Variants in FMNL3 observed in about 807,000 individuals in gnomAD.
FMNL3 encodes the protein formin like 3, also known as formin-like protein 3.
In FMNL3, 57 loss-of-function variants were observed where a neutral mutation model predicts 119.6. The ratio of observed to expected loss-of-function variants is 0.48; its 90% CI spans 0.39 to 0.59. The LOEUF (loss-of-function observed/expected upper bound fraction) is 0.59, where lower values mean the gene tolerates loss of function less well. Among genes scored for constraint, FMNL3 ranks in the 20% least tolerant of loss-of-function variants. The pLI, the probability that FMNL3 is intolerant of heterozygous loss-of-function variation, is 0.00. For missense variants in FMNL3, 1,053 were observed against 1,323.5 expected (o/e 0.80, Z 3.17); for synonymous variants, 491 against 507.3 (o/e 0.97, Z 0.43).
Position 49,707,256 on chromosome 12 carries a change from G to A in FMNL3, c.-76C>T. On this transcript the variant is annotated 5_prime_UTR_variant, in exon 1 of 26. Transcript: ENST00000335154. ...GCTTTCGGCTCCGCGGCTCCGACCA[G>A]GCTCCTCCCTCAGCGCCGGCTCCCC... is the stretch of plus-strand genomic sequence containing the variant. 7.5e-7 allele frequency: 1 copy of A among 1,325,260 alleles called. No individual in the cohort carries two copies. The highest frequency in any genetic ancestry group is 9.8e-7 in the Non-Finnish European group (1 of 1,017,210). 82.1% of individuals were successfully genotyped at this position (1,325,260 alleles called of 1,614,324 possible).
intron 1 of FMNL3, among the ~76,000 whole-genome samples, chr12:49,705,271 G>A (rs1945016999): frequency 6.6e-6 from 1 of 152,200 alleles, no homozygotes; most frequent in Admixed American, 6.5e-5. Context: ...GCAAGTGGGT[G>A]GTCCAGTCCC....
At position 49,645,131 on chromosome 12, in the gene FMNL3, C is replaced by G. The variant is rs575709594; in HGVS notation, c.*684G>C. 7.3e-6 allele frequency: 1 copy of G among 137,640 alleles called. No individual in the cohort carries two copies. Among genetic ancestry groups the G allele is most frequent in the African/African-American group, 3.1e-5 (1 of 32,110 alleles). The allele number at this position is 137,640 out of a possible 1,614,324, so 8.5% of individuals were successfully genotyped here. The stretch of plus-strand genomic sequence containing the variant: ...AAAAAAAAAAAAAAAAAAAAAAAAC[C>G]GTAGCTGAGGAAAGAAGGTGAAGAG... On this transcript the variant is annotated 3_prime_UTR_variant, in exon 26 of 26. Coordinates refer to ENST00000335154, the MANE Select transcript of FMNL3 (RefSeq NM_175736.5).
rs1310109127 is a variant in FMNL3 at position 49,642,889 on chromosome 12, G to A, written c.*2926C>T. On this transcript the variant is annotated 3_prime_UTR_variant, in exon 26 of 26. Transcript: ENST00000335154. The surrounding 1 kb of genome is among the most constrained non-coding windows in gnomAD (Gnocchi z 5.8). The stretch of plus-strand genomic sequence containing the variant: ...GAAGTAGGATCCTTCCTGGGGCTAA[G>A]TCTGGTGCTGTCCTCACCCTTCTTC... 1.3e-6 allele frequency: 2 copies of A among 1,584,260 alleles called. No homozygotes were observed. Among genetic ancestry groups the A allele is most frequent in the Admixed American group, 1.8e-5 (1 of 56,284 alleles).
chr12:49,662,893 C>T lies in FMNL3; in HGVS notation c.369-844G>A, dbSNP rs186350821. 1.1e-3 allele frequency among the ~76,000 whole-genome samples: 170 copies of T among 152,312 alleles called. 2 individuals carry two copies. Among genetic ancestry groups the T allele is most frequent in the Admixed American group, 9.9e-3 (151 of 15,310 alleles). ...TTCATTCCATAGCAGAAACATAAAA[C>T]GCTCAGGATGAAACCCTAATCTAGA... On this transcript the variant is annotated intron_variant, in intron 4 of 25. Transcript: ENST00000335154.
intron 2 of FMNL3, 23 bp downstream of exon 2, chr12:49,668,448 C>G: frequency 6.2e-7 from 1 of 1,611,710 alleles, no homozygotes; most frequent in South Asian, 1.1e-5. Flanking sequence ...CCCTACCTCC[C>G]TCCTCTTTCC....
chr12:49,661,910 TG>T (rs1200005470), intron 5 of FMNL3, 55 bp downstream of exon 5: 1 of 1,482,170 alleles, frequency 6.7e-7, no homozygotes, highest in African/African-American at 1.4e-5. Flanking sequence ...CAAAGTAGAA[TG>T]GAACTATGTC....
At chr12:49,676,479 A>AT (rs1285564867) in intron 1 of FMNL3, among the ~76,000 whole-genome samples, 2 of 149,974 alleles carry the variant, frequency 1.3e-5, no homozygotes, top group Non-Finnish European at 3.0e-5. Context: ...CAGGACACTG[A>AT]TACCATGGAC....
intron 1 of FMNL3, among the ~76,000 whole-genome samples, chr12:49,705,117 G>A (rs900748782): frequency 2.0e-5 from 3 of 152,194 alleles, no homozygotes; most frequent in African/African-American, 7.2e-5. Flanking sequence ...AAACTGAGGT[G>A]AAATCCCGTC....
In FMNL3 at chr12:49,649,850, C is replaced by CT; in HGVS notation, c.2075dup (p.Leu693AlafsTer6). 6.2e-7 allele frequency: 1 copy of CT among 1,614,188 alleles called. No homozygotes were observed. The highest frequency in any genetic ancestry group is 8.5e-7 in the Non-Finnish European group (1 of 1,180,040). ...GCTCCCGCTCATATTGCCGCAGCAGCTTTACCTCAGCCTCTGTGGGCAGGA... is the reference window on the plus strand; with the variant it reads ...GCTCCCGCTCATATTGCCGCAGCAGCTTTTACCTCAGCCTCTGTGGGCAGGA... On this transcript the variant is annotated frameshift_variant, in exon 18 of 26. Coordinates refer to ENST00000335154, the MANE Select transcript of FMNL3 (RefSeq NM_175736.5). LOFTEE classifies it high-confidence loss of function. This position sits in a 1 kb window ranked among gnomAD's most constrained non-coding sequence, Gnocchi z 5.6.
At chr12:49,684,740 T>G (rs1944415670) in intron 1 of FMNL3, among the ~76,000 whole-genome samples, 1 of 152,172 alleles carries the variant, frequency 6.6e-6, no homozygotes, top group Non-Finnish European at 1.5e-5. Flanking sequence ...CTGGAACTCA[T>G]GACAGATGCC....
intron 6 of FMNL3, 57 bp downstream of exon 6, chr12:49,658,385 A>C (rs1943636167): frequency 6.5e-7 from 1 of 1,528,152 alleles, no homozygotes; most frequent in Non-Finnish European, 8.8e-7. Flanking sequence ...GCTGAACCCG[A>C]GACCTGCACT....
In FMNL3 at chr12:49,645,805, C is replaced by T. The variant is rs757899637; in HGVS notation, c.*10G>A. On this transcript the variant is annotated 3_prime_UTR_variant, in exon 26 of 26. Transcript: ENST00000335154. Reference sequence around the variant, plus strand: ...CTGAGGGGTGAAGTGCTTCTGCCTCCGAGAGGGTCTCAGTGGGGGCCTGGA... The same window carrying T: ...CTGAGGGGTGAAGTGCTTCTGCCTCTGAGAGGGTCTCAGTGGGGGCCTGGA... 16 of 1,596,118 alleles carry T rather than the reference C, an allele frequency of 1.0e-5. No individual in the cohort carries two copies. The East Asian group carries it at 1.4e-4, about 14-fold the overall frequency.
intron 1 of FMNL3, among the ~76,000 whole-genome samples, chr12:49,704,667 T>C (rs1010135244): frequency 1.5e-5 from 2 of 135,522 alleles, no homozygotes; most frequent in African/African-American, 5.6e-5. Context: ...GCTGAGATCG[T>C]GCTGCCGCAC....
intron 1 of FMNL3, among the ~76,000 whole-genome samples, chr12:49,682,157 G>T (rs1384420907): frequency 6.7e-6 from 1 of 150,048 alleles, no homozygotes; most frequent in Non-Finnish European, 1.5e-5. Context: ...TGCAAGCTCT[G>T]CCTTCCAGGT....
chr12:49,661,683 T>C (rs1166353912), intron 5 of FMNL3: 1 of 384,440 alleles, frequency 2.6e-6, no homozygotes, highest in Admixed American at 4.2e-5. Context: ...AGCTTGGCAT[T>C]TGGATGCCTT....
chr12:49,703,917 C>T (rs1168330680), intron 1 of FMNL3, among the ~76,000 whole-genome samples: 1 of 152,164 alleles, frequency 6.6e-6, no homozygotes, highest in Admixed American at 6.5e-5. Flanking sequence ...CAGCAGCAGC[C>T]ATATTCCGAG....
At chr12:49,686,820 C>G (rs778272324) in intron 1 of FMNL3, among the ~76,000 whole-genome samples, 3 of 152,078 alleles carry the variant, frequency 2.0e-5, no homozygotes, top group Non-Finnish European at 2.9e-5. Context: ...AGCACCCTAC[C>G]CGGCCCTGCA....
chr12:49,650,751 T>C lies in FMNL3; in HGVS notation c.1925A>G (p.Asn642Ser), dbSNP rs1333250384. The C allele has an allele frequency of 1.2e-6, 2 of 1,614,214 alleles. No homozygotes were observed. Among genetic ancestry groups the C allele is most frequent in the East Asian group, 2.2e-5 (1 of 44,882 alleles). ...AASKVTLLEA[N>S]RAKNLAITLR... ...GGTGATGGCCAGGTTCTTGGCACGA[T>C]TGGCTTCCAACAGAGTCACCTTGCT... is the stretch of plus-strand genomic sequence containing the variant. The change falls in exon 17 of 26, where the codon AAT becomes AGT. Residue 642 changes from asparagine (N) to serine (S), a missense_variant. Around this residue, in one of 4 missense-constraint regions of FMNL3, gnomAD observed 445 missense variants for 628.4 expected, o/e 0.71. Coordinates refer to ENST00000335154, the MANE Select transcript of FMNL3 (RefSeq NM_175736.5).
At chr12:49,701,886 G>A (rs1416228277) in intron 1 of FMNL3, among the ~76,000 whole-genome samples, 1 of 152,146 alleles carries the variant, frequency 6.6e-6, no homozygotes, top group Non-Finnish European at 1.5e-5. Flanking sequence ...TTGTACCACT[G>A]CATTCCAGCC....
Sources: allele counts gnomAD v4.1 joint callset (sites outside exome capture counted in the v4.1 genomes callset), GRCh38; gene constraint gnomAD v4.1.1; regional missense constraint gnomAD v4.1.1; non-coding constraint Gnocchi (gnomAD v3.1); transcripts MANE v1.5; gene names NCBI Gene and HGNC (gene_info 2026-07-23, HGNC 2026-07-21).